WNT2B: variants seen among roughly 807,000 people sequenced by gnomAD.
WNT2B encodes the protein protein Wnt-2b.
A neutral mutation model predicts 40.5 loss-of-function variants in WNT2B; 19 were observed. The observed-to-expected ratio is 0.47, with a 90% CI of 0.33 to 0.69. WNT2B has a LOEUF of 0.69. Among genes scored for constraint, WNT2B ranks in the 30% least tolerant of loss-of-function variants. The pLI is 0.02. For synonymous variants in WNT2B, 220 were observed against 211.9 expected, an observed-to-expected ratio of 1.04 and a Z score of -0.33; for missense variants, 467 against 556.4, an observed-to-expected ratio of 0.84 and a Z score of 1.62.
intron 1 of WNT2B, among the ~76,000 whole-genome samples, chr1:112,483,132 A>G (rs992501133): frequency 1.3e-5 from 2 of 151,644 alleles, no homozygotes; most frequent in Non-Finnish European, 2.9e-5. Context: ...GCAGTGTGCT[A>G]TGATTGCACC....
rs534765676 is a variant in WNT2B, at chr1:112,495,545, C to T, written c.-94-19329C>T. Among the ~76,000 whole-genome samples, 24 of 151,438 alleles carry T rather than the reference C, an allele frequency of 1.6e-4. No individual in the cohort carries two copies. In the South Asian group the frequency reaches 4.0e-3, roughly 25 times the overall value. The stretch of plus-strand genomic sequence containing the variant: ...CGGAGCTTGCAGCCAGCCAAGAACG[C>T]GCCACTGCGCTCCAGCCTGGGTGAC... On this transcript the variant is annotated intron_variant, in intron 1 of 4. Coordinates refer to the WNT2B transcript ENST00000256640.
At chr1:112,503,955 A>T (rs1438710677) in intron 1 of WNT2B, among the ~76,000 whole-genome samples, 1 of 152,200 alleles carries the variant, frequency 6.6e-6, no homozygotes, top group Admixed American at 6.5e-5. Context: ...GAGGCAGGCC[A>T]TGCCCTCTGC....
chr1:112,490,998 C>G (rs746787857), intron 1 of WNT2B: 1 of 1,613,820 alleles, frequency 6.2e-7, no homozygotes. Flanking sequence ...CCTGTGTTTT[C>G]TTTTCCGACC....
chr1:112,498,990 G>A (rs1399855691), intron 1 of WNT2B, among the ~76,000 whole-genome samples: 2 of 152,078 alleles, frequency 1.3e-5, no homozygotes, highest in African/African-American at 4.8e-5. Context: ...GGTGGATCAC[G>A]AGGTGAAGAG....
chr1:112,519,391 C>T (rs553738095), intron 4 of WNT2B, among the ~76,000 whole-genome samples: 41 of 152,268 alleles, frequency 2.7e-4, no homozygotes, highest in South Asian at 8.3e-4. Flanking sequence ...ATCTATTCTC[C>T]GTTTTGAACC....
chr1:112,483,685 G>A (rs545027711), intron 1 of WNT2B, among the ~76,000 whole-genome samples: 24 of 150,380 alleles, frequency 1.6e-4, no homozygotes, highest in African/African-American at 5.8e-4. Context: ...AGAGAAAAAA[G>A]GCAGTCTAAG....
At position 112,521,923 on chromosome 1, in the gene WNT2B, A is replaced by G. The variant is rs1652903312; in HGVS notation, c.*1414A>G. On this transcript the variant is annotated 3_prime_UTR_variant, in exon 5 of 5. Transcript: ENST00000369684. ...CGGTTATGACAGACCCGGGTTAAAA[A>G]TCACAGCTGTGCCATTTGCTTTGAT... The G allele has an allele frequency of 6.6e-6, 1 of 152,192 alleles. No individual in the cohort carries two copies. The allele number at this position is 152,192 out of a possible 1,614,324, so 9.4% of individuals were successfully genotyped here. A position where few individuals can be genotyped will look rare whatever the true frequency, so the allele number is the denominator to read the frequency against.
intron 1 of WNT2B, among the ~76,000 whole-genome samples, chr1:112,481,240 T>A (rs1473082456): frequency 1.3e-5 from 2 of 152,120 alleles, no homozygotes; most frequent in Admixed American, 1.3e-4. Flanking sequence ...TGTTTTATTA[T>A]CCCTGGAATG....
intron 1 of WNT2B, among the ~76,000 whole-genome samples, chr1:112,486,132 AACAC>A (rs71584737): frequency 2.1e-5 from 3 of 143,754 alleles, no homozygotes; most frequent in South Asian, 2.2e-4. Flanking sequence ...ATGAGTTTTT[AACAC>A]ACACACACAC....
chr1:112,517,159 T>C lies in WNT2B; in HGVS notation c.720T>C (p.His240=). Reference sequence around the variant, plus strand: ...TTCTGAAGCTGGAGTGTAAGTGCCATGGCGTGAGTGGTTCCTGTACTCTGC... The same window carrying C: ...TTCTGAAGCTGGAGTGTAAGTGCCACGGCGTGAGTGGTTCCTGTACTCTGC... The part of the protein sequence containing the change: ...RRFLKLECKC[H]GVSGSCTLRT... Residue 240 remains histidine, a synonymous_variant, in exon 4 of 5, where the codon CAT becomes CAC. Coordinates refer to ENST00000369684, the MANE Select transcript of WNT2B (RefSeq NM_024494.3). 1 of 1,613,862 alleles carries C rather than the reference T, an allele frequency of 6.2e-7. No homozygotes were observed. Among genetic ancestry groups the C allele is most frequent in the Non-Finnish European group, 8.5e-7 (1 of 1,179,786 alleles).
At chr1:112,484,137 TTTTATATAATAA>T (rs900309131) in intron 1 of WNT2B, among the ~76,000 whole-genome samples, 156 of 111,204 alleles carry the variant, frequency 1.4e-3, no homozygotes, top group Middle Eastern at 5.3e-3. Context: ...ATTTTAACAA[TTTTATATAATAA>T]TTTATATAAT....
chr1:112,499,389 G>A (rs926984728), intron 1 of WNT2B, among the ~76,000 whole-genome samples: 1 of 152,020 alleles, frequency 6.6e-6, no homozygotes, highest in Admixed American at 6.6e-5. Flanking sequence ...CATGAACACA[G>A]ATGCAAAAAT....
rs138865905 is a variant in WNT2B, at chr1:112,474,895, A to C, written c.-95+7304A>C. Among the ~76,000 whole-genome samples, 56 of 152,156 alleles carry C rather than the reference A, an allele frequency of 3.7e-4. 1 individual carries two copies. Among genetic ancestry groups the C allele is most frequent in the Middle Eastern group, 3.4e-3 (1 of 294 alleles). ...TTAAAAGTGTGTAGCAATCCCCCAC[A>C]CACACACCCAGCTCTCTCTCTTGCT... On this transcript the variant is annotated intron_variant, in intron 1 of 4. Transcript: ENST00000256640.
rs1653521220 is a variant in WNT2B at position 112,526,883 on chromosome 1, T to C, written c.*6374T>C. 1 of 152,218 alleles carries C rather than the reference T, an allele frequency of 6.6e-6. No individual in the cohort carries two copies. Among genetic ancestry groups the C allele is most frequent in the South Asian group, 2.1e-4 (1 of 4,826 alleles). 9.4% of individuals were successfully genotyped at this position (152,218 alleles called of 1,614,324 possible). A position where few individuals can be genotyped will look rare whatever the true frequency, so the allele number is the denominator to read the frequency against. ...TCCCATCCCAAGCCAGACAGATGCC[T>C]ACCCGTGGCCTGGCAAAGGTCCTGG... On this transcript the variant is annotated 3_prime_UTR_variant, in exon 5 of 5. Transcript: ENST00000369684.
At chr1:112,518,433 G>A (rs1484437341) in intron 4 of WNT2B, 3 of 152,168 alleles carry the variant, frequency 2.0e-5, no homozygotes, top group Non-Finnish European at 4.4e-5. Flanking sequence ...GAGTCAAGTG[G>A]CTTGGAGTAA....
chr1:112,481,737 G>A lies in WNT2B; in HGVS notation c.-95+14146G>A, dbSNP rs149473819. Among the ~76,000 whole-genome samples, 1,216 of 152,226 alleles carry A rather than the reference G, an allele frequency of 8.0e-3. 6 individuals carry two copies. Among genetic ancestry groups the A allele is most frequent in the Middle Eastern group, 0.014 (4 of 294 alleles). ...CATAAAAAAATTAATCAGGCCAGGC[G>A]TGGTGGCTCATGCCCATAAGCCTAG... On this transcript the variant is annotated intron_variant, in intron 1 of 4. Coordinates refer to the WNT2B transcript ENST00000256640.
chr1:112,495,299 A>G (rs1651725510), intron 1 of WNT2B, among the ~76,000 whole-genome samples: 1 of 151,782 alleles, frequency 6.6e-6, no homozygotes, highest in Non-Finnish European at 1.5e-5. Flanking sequence ...GCTATAGGCC[A>G]GGCGTGGTGG....
chr1:112,475,226 C>A (rs796769453), intron 1 of WNT2B, among the ~76,000 whole-genome samples: 1 of 152,068 alleles, frequency 6.6e-6, no homozygotes, highest in African/African-American at 2.4e-5. Context: ...TGAGATTTGC[C>A]CACACACACA....
At chr1:112,516,861 A>C (rs1448725996) in intron 3 of WNT2B, among the ~76,000 whole-genome samples, 1 of 152,226 alleles carries the variant, frequency 6.6e-6, no homozygotes, top group Non-Finnish European at 1.5e-5. Flanking sequence ...TCGTGAACAG[A>C]ATCCTGTGGC....
Sources: gnomAD v4.1 joint callset for allele counts (sites outside exome capture counted in the v4.1 genomes callset) on GRCh38, gnomAD v4.1.1 for gene constraint, MANE v1.5 for transcripts, NCBI Gene and HGNC (gene_info 2026-07-23, HGNC 2026-07-21) for gene names.